SUMF1: variants seen among roughly 807,000 people sequenced by gnomAD.
The protein encoded by SUMF1 is formylglycine-generating enzyme.
Under a neutral mutation model 47.6 loss-of-function variants are expected in SUMF1, and 48 were observed. The ratio of observed to expected loss-of-function variants is 1.01; its 90% CI spans 0.80 to 1.28. The LOEUF (loss-of-function observed/expected upper bound fraction) is 1.28. SUMF1 is among the 50% of genes most tolerant of loss of function. SUMF1 has a pLI of 0.00. For synonymous variants in SUMF1, 230 were observed against 192.1 expected (o/e 1.20, Z -1.63); for missense variants, 571 against 485.4 (o/e 1.18, Z -1.66).
At position 4,141,790 on chromosome 3, in the gene SUMF1, T is replaced by G. The variant is rs61136868; in HGVS notation, c.1015-73045A>C. Among the ~76,000 whole-genome samples, 1,422 of 152,254 alleles carry G rather than the reference T, an allele frequency of 9.3e-3. 24 individuals carry two copies. Among genetic ancestry groups the G allele is most frequent in the African/African-American group, 0.033 (1,359 of 41,518 alleles). On this transcript the variant is annotated intron_variant and NMD_transcript_variant, in intron 8 of 12. Transcript: ENST00000448413. ...GCAGAAAAGTCCCAGGCCAAGAGAT[T>G]CTAATCATCCAGCCTGGGGCAATCC...
At chr3:4,206,717 C>T (rs530112616) in intron 8 of SUMF1, among the ~76,000 whole-genome samples, 70 of 152,284 alleles carry the variant, frequency 4.6e-4, no homozygotes, top group Non-Finnish European at 7.5e-4. Flanking sequence ...CTTTTGTCAA[C>T]AGTTGTTCAA....
chr3:4,312,755 T>C (rs1339644338), intron 8 of SUMF1: 2 of 737,092 alleles, frequency 2.7e-6, no homozygotes, highest in African/African-American at 2.1e-5. Flanking sequence ...TTTTGGACAA[T>C]ATCTTAGTAT....
chr3:4,374,905 T>C (rs771422923), intron 8 of SUMF1, among the ~76,000 whole-genome samples: 3 of 152,044 alleles, frequency 2.0e-5, no homozygotes, highest in Non-Finnish European at 4.4e-5. Context: ...CTGATGCCTG[T>C]AATCCCAACA....
chr3:4,088,209 C>A (rs1574871532), intron 8 of SUMF1, among the ~76,000 whole-genome samples: 1 of 152,176 alleles, frequency 6.6e-6, no homozygotes, highest in East Asian at 1.9e-4. Flanking sequence ...TGCCAGACCA[C>A]TCCTTCTTCC....
intron 8 of SUMF1, among the ~76,000 whole-genome samples, chr3:4,192,067 C>A (rs1259257618): frequency 6.6e-6 from 1 of 152,008 alleles, no homozygotes; most frequent in Non-Finnish European, 1.5e-5. Flanking sequence ...GACAGAATGG[C>A]ATATGTGAAA....
At chr3:4,365,954 C>T (rs963108489) in intron 8 of SUMF1, among the ~76,000 whole-genome samples, 14 of 152,072 alleles carry the variant, frequency 9.2e-5, no homozygotes, top group South Asian at 2.1e-4. Flanking sequence ...TGTAAAGTAT[C>T]TTATTTCTCC....
At chr3:4,309,344 G>T (rs1341970046) in intron 8 of SUMF1, among the ~76,000 whole-genome samples, 1 of 152,164 alleles carries the variant, frequency 6.6e-6, no homozygotes, top group African/African-American at 2.4e-5. Flanking sequence ...GCTTTGGAAT[G>T]CCCTTGCTGA....
chr3:4,421,818 AAAAG>A (rs2125047257), intron 3 of SUMF1, among the ~76,000 whole-genome samples: 1 of 152,292 alleles, frequency 6.6e-6, no homozygotes, highest in Non-Finnish European at 1.5e-5. Flanking sequence ...ATACAAATAC[AAAAG>A]AAAGTGACTC....
At chr3:4,034,756 A>G (rs113138094) in intron 9 of SUMF1, among the ~76,000 whole-genome samples, 2,683 of 152,146 alleles carry the variant, frequency 0.018, 67 homozygotes, top group African/African-American at 0.062. Context: ...ACTACAATAC[A>G]GGACAGACAG....
chr3:4,299,962 C>G (rs957301917), intron 8 of SUMF1, among the ~76,000 whole-genome samples: 15 of 152,180 alleles, frequency 9.9e-5, no homozygotes, highest in African/African-American at 2.7e-4. Flanking sequence ...CATTTTGATT[C>G]TTTTCTACAT....
At position 4,449,352 on chromosome 3, in the gene SUMF1, G is replaced by A. The variant is rs1702891209; in HGVS notation, c.445-12C>T. The A allele has an allele frequency of 8.7e-6, 14 of 1,614,010 alleles. No homozygotes were observed. The highest frequency in any genetic ancestry group is 1.2e-5 in the Non-Finnish European group (14 of 1,179,884). ...CCAAACTTCTCAGCCTATAAGGAAG[G>A]TAGGAAATAAAAATCCAGAAAAGGT... is the stretch of plus-strand genomic sequence containing the variant. On this transcript the variant is annotated splice_polypyrimidine_tract_variant and intron_variant, in intron 2 of 8. Transcript: ENST00000272902.
At chr3:4,429,103 T>C (rs181603160) in intron 3 of SUMF1, among the ~76,000 whole-genome samples, 2 of 152,252 alleles carry the variant, frequency 1.3e-5, no homozygotes, top group African/African-American at 2.4e-5. Context: ...ACAGTGAACA[T>C]GTTCAAACAC....
rs374628876 is a variant in SUMF1, at chr3:4,055,319, T to C, written c.1191+13250A>G. ...TATTAAGTGTTTACTATATCTCAGA[T>C]ATTTTCCAAGTTATTATCCTGTATT... On this transcript the variant is annotated intron_variant and NMD_transcript_variant, in intron 9 of 12. Coordinates refer to the SUMF1 transcript ENST00000448413. Among the ~76,000 whole-genome samples the C allele has an allele frequency of 5.9e-5, 9 of 152,310 alleles. 1 individual carries two copies. The highest frequency in any genetic ancestry group is 1.9e-4 in the East Asian group (1 of 5,194).
chr3:4,460,260 G>A (rs1350097803), intron 1 of SUMF1, among the ~76,000 whole-genome samples: 3 of 152,104 alleles, frequency 2.0e-5, no homozygotes, highest in Non-Finnish European at 4.4e-5. Context: ...TGTCTGAGGG[G>A]AAAGTTACTG....
chr3:4,382,960 A>G (rs1700555908), intron 7 of SUMF1, among the ~76,000 whole-genome samples: 1 of 152,098 alleles, frequency 6.6e-6, no homozygotes, highest in Non-Finnish European at 1.5e-5. Flanking sequence ...TAGGAGAAAT[A>G]CCTAATGTAG....
At chr3:4,298,528 TC>T (rs1003478415) in intron 8 of SUMF1, among the ~76,000 whole-genome samples, 1 of 152,298 alleles carries the variant, frequency 6.6e-6, no homozygotes, top group East Asian at 1.9e-4. Context: ...AAAAAAATTT[TC>T]CAAATAGCAG....
chr3:4,434,558 T>C (rs1559297624), intron 3 of SUMF1, among the ~76,000 whole-genome samples: 1 of 152,208 alleles, frequency 6.6e-6, no homozygotes, highest in Admixed American at 6.5e-5. Flanking sequence ...ACAATGTCAT[T>C]TACTAAAAGG....
At chr3:4,265,912 T>C (rs1283565990) in intron 8 of SUMF1, among the ~76,000 whole-genome samples, 1 of 152,066 alleles carries the variant, frequency 6.6e-6, no homozygotes, top group Non-Finnish European at 1.5e-5. Flanking sequence ...TTGTATAAGG[T>C]GTAAGGAAGG....
At position 4,200,416 on chromosome 3, in the gene SUMF1, G is replaced by T. The variant is rs898613196; in HGVS notation, c.1015-131671C>A. ...AGATAAAACAAAAAGGCAGAGGAAT[G>T]GTGAATTTGTTCTCTCTCTCCTGGA... On this transcript the variant is annotated intron_variant and NMD_transcript_variant, in intron 8 of 12. Transcript: ENST00000448413. Among the ~76,000 whole-genome samples, 3 of 152,106 alleles carry T rather than the reference G, an allele frequency of 2.0e-5. No homozygotes were observed. The South Asian group carries it at 6.2e-4, about 32-fold the overall frequency.
Sources: gnomAD v4.1 joint callset for allele counts (sites outside exome capture counted in the v4.1 genomes callset) on GRCh38, gnomAD v4.1.1 for gene constraint, MANE v1.5 for transcripts, NCBI Gene and HGNC (gene_info 2026-07-23, HGNC 2026-07-21) for gene names.